The following PARD3B variants were observed in gnomAD, a reference collection of about 807,000 sequenced individuals.
PARD3B encodes the protein partitioning defective 3 homolog B.
In PARD3B, 103 loss-of-function variants were observed where a neutral mutation model predicts 130.2. The observed-to-expected ratio is 0.79, with a 90% CI of 0.67 to 0.93. The LOEUF is 0.93. Among genes scored for constraint, PARD3B ranks in the 40% least tolerant of loss-of-function variants. The pLI is 0.00. For synonymous variants in PARD3B, 583 were observed against 553.2 expected, an observed-to-expected ratio of 1.05 and a Z score of -0.76; for missense variants, 1,609 against 1,499.2, an observed-to-expected ratio of 1.07 and a Z score of -1.21.
intron 2 of PARD3B, among the ~76,000 whole-genome samples, chr2:204,841,781 G>A (rs925283615): frequency 6.6e-6 from 1 of 151,944 alleles, no homozygotes; most frequent in Non-Finnish European, 1.5e-5. Flanking sequence ...TTTTAAATAG[G>A]CCATTGTATA....
chr2:205,181,859 G>T (rs955637219), intron 13 of PARD3B, among the ~76,000 whole-genome samples: 13 of 152,102 alleles, frequency 8.5e-5, no homozygotes, highest in African/African-American at 2.9e-4. Context: ...ACTGTACCTC[G>T]TACACTCAAT....
intron 2 of PARD3B, among the ~76,000 whole-genome samples, chr2:204,749,865 T>A (rs577315840): frequency 6.6e-6 from 1 of 152,358 alleles, no homozygotes; most frequent in South Asian, 2.1e-4. Flanking sequence ...TTTTCTTTTT[T>A]TAAACCTTGT....
intron 10 of PARD3B, among the ~76,000 whole-genome samples, chr2:205,150,255 A>ATGTG (rs1559487007): frequency 0.092 from 13,101 of 141,674 alleles, 699 homozygotes; most frequent in Middle Eastern, 0.23. Flanking sequence ...GTGTGTGTGC[A>ATGTG]CACACGCTTG....
intron 2 of PARD3B, among the ~76,000 whole-genome samples, chr2:204,931,903 T>C (rs934734880): frequency 8.5e-5 from 13 of 152,090 alleles, no homozygotes; most frequent in African/African-American, 2.7e-4. Flanking sequence ...CAGATACTCA[T>C]AATCATTGCT....
At chr2:205,052,964 T>C (rs1024156354) in intron 4 of PARD3B, among the ~76,000 whole-genome samples, 2 of 152,134 alleles carry the variant, frequency 1.3e-5, no homozygotes, top group Non-Finnish European at 2.9e-5. Flanking sequence ...CCAGTTGTCC[T>C]GTGTGTTCTA....
chr2:204,815,237 C>T (rs2043103647), intron 2 of PARD3B, among the ~76,000 whole-genome samples: 1 of 151,858 alleles, frequency 6.6e-6, no homozygotes, highest in South Asian at 2.1e-4. Context: ...AATGAGCTCA[C>T]TTGATGAATG....
intron 21 of PARD3B, among the ~76,000 whole-genome samples, chr2:205,551,672 GT>G: frequency 6.6e-6 from 1 of 152,206 alleles, no homozygotes. Context: ...GTGTATACTT[GT>G]TTTGCAACAT....
chr2:204,701,961 T>A (rs1390960568), intron 2 of PARD3B, among the ~76,000 whole-genome samples: 2 of 152,142 alleles, frequency 1.3e-5, no homozygotes, highest in Non-Finnish European at 2.9e-5. Flanking sequence ...GTACGTGTTG[T>A]TTAGCTCCCA....
At chr2:204,679,347 T>A (rs1377879624) in intron 1 of PARD3B, among the ~76,000 whole-genome samples, 1 of 152,226 alleles carries the variant, frequency 6.6e-6, no homozygotes, top group African/African-American at 2.4e-5. Flanking sequence ...GTGGAATTGC[T>A]GAGTTATGTG....
chr2:205,583,298 A>G (rs2054063513), intron 22 of PARD3B, among the ~76,000 whole-genome samples: 1 of 152,200 alleles, frequency 6.6e-6, no homozygotes, highest in Non-Finnish European at 1.5e-5. Flanking sequence ...ATCTGAGTGC[A>G]TGGCAATGAT....
intron 2 of PARD3B, among the ~76,000 whole-genome samples, chr2:204,832,191 A>G (rs2043850694): frequency 1.3e-5 from 2 of 152,030 alleles, no homozygotes; most frequent in African/African-American, 4.8e-5. Context: ...ACGCCACTGC[A>G]CTCCAGTCTG....
intron 2 of PARD3B, among the ~76,000 whole-genome samples, chr2:204,831,950 T>C (rs1239673908): frequency 2.0e-5 from 3 of 152,088 alleles, no homozygotes; most frequent in South Asian, 2.1e-4. Context: ...CCTTAAAAAA[T>C]AGATATCCAC....
intron 10 of PARD3B, among the ~76,000 whole-genome samples, chr2:205,148,695 TG>T: frequency 6.6e-6 from 1 of 152,310 alleles, no homozygotes; most frequent in East Asian, 1.9e-4. Context: ...TTGCCAGATA[TG>T]GCTTTTGCTT....
chr2:205,502,913 A>T (rs1470108503), intron 21 of PARD3B, among the ~76,000 whole-genome samples: 1 of 151,940 alleles, frequency 6.6e-6, no homozygotes, highest in Non-Finnish European at 1.5e-5. Context: ...GCACCTGCCC[A>T]GTGGCCTGAA....
chr2:205,277,449 T>C (rs2040993669), intron 16 of PARD3B, among the ~76,000 whole-genome samples: 1 of 152,210 alleles, frequency 6.6e-6, no homozygotes. Flanking sequence ...ACTCAATAAA[T>C]ATATATTAGT....
rs899134594 is a variant in PARD3B, at chr2:204,610,496, C to G, written c.120+64377C>G. ...TCAGCCTCCCGAGTGGCTGGGATTA[C>G]AGATGCACACCACCATGCCCAGCTA... On this transcript the variant is annotated intron_variant, in intron 1 of 22. Coordinates refer to ENST00000406610, the MANE Select transcript of PARD3B (RefSeq NM_001302769.2). The surrounding 1 kb of genome is among the most constrained non-coding windows in gnomAD (Gnocchi z 4.1). Among the ~76,000 whole-genome samples the G allele has an allele frequency of 6.6e-6, 1 of 152,180 alleles. No individual in the cohort carries two copies.
At chr2:204,681,794 TG>T (rs1280394647) in intron 1 of PARD3B, among the ~76,000 whole-genome samples, 2 of 152,262 alleles carry the variant, frequency 1.3e-5, no homozygotes, top group East Asian at 3.9e-4. Context: ...CATTTGGTCT[TG>T]GGTAGAGGGG....
At chr2:205,282,577 G>GT (rs2041233547) in intron 16 of PARD3B, among the ~76,000 whole-genome samples, 1 of 137,746 alleles carries the variant, frequency 7.3e-6, no homozygotes, top group South Asian at 2.4e-4. Context: ...CCCCAATCAT[G>GT]TTTCTTAGAT....
intron 21 of PARD3B, among the ~76,000 whole-genome samples, chr2:205,540,097 C>A (rs1045080179): frequency 2.6e-5 from 4 of 152,158 alleles, no homozygotes; most frequent in African/African-American, 9.7e-5. Flanking sequence ...TTGTGCGGCA[C>A]CGTCATGCTA....
Sources: allele counts gnomAD v4.1 joint callset (sites outside exome capture counted in the v4.1 genomes callset), GRCh38; gene constraint gnomAD v4.1.1; non-coding constraint Gnocchi (gnomAD v3.1); transcripts MANE v1.5; gene names NCBI Gene and HGNC (gene_info 2026-07-23, HGNC 2026-07-21).